Variants in FSTL4 observed in about 807,000 individuals in gnomAD.
FSTL4 encodes the protein follistatin like 4, also known as follistatin-related protein 4.
A neutral mutation model predicts 78.2 loss-of-function variants in FSTL4; 28 were observed. The ratio of observed to expected loss-of-function variants is 0.36; its 90% CI spans 0.27 to 0.49. The LOEUF (loss-of-function observed/expected upper bound fraction) is 0.49. Among genes scored for constraint, FSTL4 ranks in the 20% least tolerant of loss-of-function variants. The probability of loss-of-function intolerance (pLI) is 0.98; values close to 1 mark genes in which losing one functional copy is unlikely to be tolerated. For synonymous variants in FSTL4, 422 were observed against 440.5 expected (o/e 0.96, Z 0.53); for missense variants, 922 against 1,084.9 (o/e 0.85, Z 2.11).
chr5:133,434,516 C>G (rs894783475), intron 3 of FSTL4, among the ~76,000 whole-genome samples: 1 of 152,152 alleles, frequency 6.6e-6, no homozygotes, highest in Non-Finnish European at 1.5e-5. Flanking sequence ...CCAGTCACTG[C>G]TTGACATTTG....
At chr5:133,520,692 T>C (rs191615373) in intron 3 of FSTL4, among the ~76,000 whole-genome samples, 39 of 152,276 alleles carry the variant, frequency 2.6e-4, no homozygotes, top group African/African-American at 9.1e-4. Flanking sequence ...GTTGCTTTTA[T>C]GAAAAGTCAC....
chr5:133,323,161 C>T (rs774693913), intron 4 of FSTL4, among the ~76,000 whole-genome samples: 11 of 152,124 alleles, frequency 7.2e-5, no homozygotes, highest in Non-Finnish European at 1.2e-4. Context: ...ATGACAGTCA[C>T]CACAAGGTCA....
intron 6 of FSTL4, among the ~76,000 whole-genome samples, chr5:133,280,725 A>G (rs1374401630): frequency 1.3e-5 from 2 of 152,162 alleles, no homozygotes; most frequent in Non-Finnish European, 2.9e-5. Context: ...CACAGAGTAA[A>G]GACCACCCTC....
At chr5:133,416,304 T>C (rs1270058946) in intron 3 of FSTL4, among the ~76,000 whole-genome samples, 1 of 152,218 alleles carries the variant, frequency 6.6e-6, no homozygotes, top group Non-Finnish European at 1.5e-5. Context: ...GTGGAACTGA[T>C]TTTTAAAAAG....
rs1756694238 is a variant in FSTL4, at chr5:133,421,481, C to T, written c.161-20495G>A. ...ATACTTTCCCTTGCATGATCCCAGG[C>T]CCGACAGCTGAGCATATGGGATAAG... On this transcript the variant is annotated intron_variant, in intron 3 of 15. Coordinates refer to ENST00000265342, the MANE Select transcript of FSTL4 (RefSeq NM_015082.2). Among the ~76,000 whole-genome samples the T allele has an allele frequency of 2.0e-5, 3 of 152,054 alleles. No homozygotes were observed. In the South Asian group the frequency reaches 6.2e-4, roughly 32 times the overall value.
intron 4 of FSTL4, among the ~76,000 whole-genome samples, chr5:133,379,418 G>A (rs1755514514): frequency 6.6e-6 from 1 of 151,664 alleles, no homozygotes; most frequent in African/African-American, 2.4e-5. Flanking sequence ...GATCCCGCTG[G>A]AACACCCTAT....
the FSTL4 span, among the ~76,000 whole-genome samples, chr5:133,722,921 C>T: frequency 2.0e-5 from 3 of 152,138 alleles, no homozygotes; most frequent in Non-Finnish European, 4.4e-5. Flanking sequence ...AAGTTTGTGG[C>T]CATGATGGTG....
chr5:133,650,159 T>A, the FSTL4 span, among the ~76,000 whole-genome samples: 2 of 151,994 alleles, frequency 1.3e-5, no homozygotes, highest in African/African-American at 2.4e-5. Flanking sequence ...GAGTGAGAAC[T>A]CACTTACCCC....
intron 3 of FSTL4, among the ~76,000 whole-genome samples, chr5:133,422,516 G>A (rs1036175523): frequency 7.2e-5 from 11 of 151,750 alleles, no homozygotes; most frequent in South Asian, 2.1e-4. Context: ...GCTGTTTACC[G>A]TTTACTAAAA....
At chr5:133,752,647 A>AT in the FSTL4 span, among the ~76,000 whole-genome samples, 1 of 152,086 alleles carries the variant, frequency 6.6e-6, no homozygotes, top group Non-Finnish European at 1.5e-5. Context: ...ATTAAATTAA[A>AT]TTAAAGGGCT....
intron 4 of FSTL4, among the ~76,000 whole-genome samples, chr5:133,347,136 G>A (rs955044797): frequency 5.9e-5 from 9 of 152,034 alleles, no homozygotes; most frequent in Admixed American, 6.5e-5. Flanking sequence ...CACGATCCCC[G>A]TTTGTCTGCT....
At chr5:133,769,086 G>A in the FSTL4 span, among the ~76,000 whole-genome samples, 1 of 152,192 alleles carries the variant, frequency 6.6e-6, no homozygotes, top group African/African-American at 2.4e-5. Context: ...TTCTTTGGGC[G>A]ATGTTTTCTA....
intron 13 of FSTL4, among the ~76,000 whole-genome samples, chr5:133,215,572 C>T (rs933436956): frequency 1.3e-5 from 2 of 152,158 alleles, no homozygotes; most frequent in African/African-American, 4.8e-5. Flanking sequence ...TGCTCCCTGC[C>T]TTGCCTGAAG....
At chr5:133,461,542 TAAAC>T (rs34238549) in intron 3 of FSTL4, among the ~76,000 whole-genome samples, 23,209 of 151,152 alleles carry the variant, frequency 0.15, 3,733 homozygotes, top group African/African-American at 0.41. Context: ...TTTTACTCCC[TAAAC>T]AAACAAACAA....
At chr5:133,340,055 T>TC (rs899948457) in intron 4 of FSTL4, among the ~76,000 whole-genome samples, 2 of 151,910 alleles carry the variant, frequency 1.3e-5, no homozygotes, top group African/African-American at 2.4e-5. Flanking sequence ...GGGTGCTGTT[T>TC]CCCCCCACAC....
chr5:133,613,047 A>C (rs941803752), upstream of FSTL4, among the ~76,000 whole-genome samples: 3 of 152,194 alleles, frequency 2.0e-5, no homozygotes, highest in African/African-American at 7.2e-5. Context: ...ATCTTAAGAC[A>C]TTCAGGGCAT....
chr5:133,283,239 C>T (rs556743946), intron 6 of FSTL4, among the ~76,000 whole-genome samples: 16 of 148,800 alleles, frequency 1.1e-4, no homozygotes, highest in South Asian at 8.6e-4. Flanking sequence ...TTAAGCCTAG[C>T]GTGTGTGTGT....
chr5:133,599,538 C>A (rs1417997144), intron 2 of FSTL4, among the ~76,000 whole-genome samples: 2 of 152,260 alleles, frequency 1.3e-5, no homozygotes, highest in South Asian at 2.1e-4. Context: ...CATGAGGTGA[C>A]AATTTAAGAA....
chr5:133,461,240 T>C (rs930330549), intron 3 of FSTL4, among the ~76,000 whole-genome samples: 4 of 152,150 alleles, frequency 2.6e-5, no homozygotes, highest in African/African-American at 9.7e-5. Context: ...ATACCCTAAC[T>C]AGCATGGGTT....
Sources: gnomAD v4.1 joint callset for allele counts (sites outside exome capture counted in the v4.1 genomes callset) on GRCh38, gnomAD v4.1.1 for gene constraint, MANE v1.5 for transcripts, NCBI Gene and HGNC (gene_info 2026-07-23, HGNC 2026-07-21) for gene names.